CHAF1B: variants seen among roughly 807,000 people sequenced by gnomAD.
CHAF1B encodes the protein chromatin assembly factor 1 subunit B, also known as CAF-1 subunit B.
CHAF1B carries 10 observed loss-of-function variants against 60.7 expected under a neutral mutation model. The observed-to-expected ratio is 0.16, with a 90% CI of 0.10 to 0.28. The LOEUF (loss-of-function observed/expected upper bound fraction) is 0.28, where lower values mean the gene tolerates loss of function less well. Ranked by LOEUF, CHAF1B falls within the 10% of genes least tolerant of loss-of-function variation. The pLI, the probability that CHAF1B is intolerant of heterozygous loss-of-function variation, is 1.00. For synonymous variants in CHAF1B, 261 were observed against 266.1 expected, an observed-to-expected ratio of 0.98 and a Z score of 0.19; for missense variants, 558 against 708.4, an observed-to-expected ratio of 0.79 and a Z score of 2.41.
At chr21:36,399,727 A>G (rs1170285925) in intron 7 of CHAF1B, 122 bp downstream of exon 7, 4 of 761,176 alleles carry the variant, frequency 5.3e-6, no homozygotes, top group East Asian at 2.6e-5. Context: ...CAGAACTACA[A>G]TAAGGCTTCC....
rs1432354012 is a variant in CHAF1B, at chr21:36,417,622, A to C, written c.*1256A>C. ...TGGGATTACAGGTGTGAGCTACTGCACCTGGCCTAATTATTATATTTTTAG... is the reference window on the plus strand; with the variant it reads ...TGGGATTACAGGTGTGAGCTACTGCCCCTGGCCTAATTATTATATTTTTAG... On this transcript the variant is annotated 3_prime_UTR_variant, in exon 14 of 14. Coordinates refer to ENST00000314103, the MANE Select transcript of CHAF1B (RefSeq NM_005441.3). The C allele has an allele frequency of 6.6e-6, 1 of 151,764 alleles. No homozygotes were observed. The highest frequency in any genetic ancestry group is 1.5e-5 in the Non-Finnish European group (1 of 67,974). The allele number at this position is 151,764 out of a possible 1,614,324, so 9.4% of individuals were successfully genotyped here.
At chr21:36,411,314 A>G in intron 10 of CHAF1B, 149 bp from the exon 11 acceptor site, 16 of 872,608 alleles carry the variant, frequency 1.8e-5, no homozygotes, top group Non-Finnish European at 2.9e-5. Flanking sequence ...GGGTTTTGCC[A>G]TGTTGCTTAG....
intron 11 of CHAF1B, among the ~76,000 whole-genome samples, chr21:36,412,311 C>T (rs1360357713): frequency 6.6e-6 from 1 of 152,122 alleles, no homozygotes; most frequent in East Asian, 1.9e-4. Flanking sequence ...CAGCACTGTC[C>T]TTCTGCCACC....
chr21:36,412,349 C>T (rs1445201142), intron 11 of CHAF1B, among the ~76,000 whole-genome samples: 1 of 152,062 alleles, frequency 6.6e-6, no homozygotes, highest in Non-Finnish European at 1.5e-5. Flanking sequence ...GCCCCCGTGG[C>T]CTGCTTGGCC....
intron 4 of CHAF1B, among the ~76,000 whole-genome samples, chr21:36,393,446 CTTTTTTTT>C (rs748789062): frequency 1.1e-3 from 127 of 115,132 alleles, no homozygotes; most frequent in South Asian, 4.1e-3. Context: ...TACAGCTATC[CTTTTTTTT>C]TTTTTTTTTT....
intron 13 of CHAF1B, chr21:36,415,759 T>C (rs1025076620): frequency 1.9e-5 from 8 of 421,380 alleles, no homozygotes; most frequent in Admixed American, 9.1e-5. Context: ...TTTTTTTTTT[T>C]TTCTTTTTTT....
At chr21:36,415,426 G>A (rs1601571233) in intron 13 of CHAF1B, 37 bp downstream of exon 13, 1 of 1,296,104 alleles carries the variant, frequency 7.7e-7, no homozygotes, top group Non-Finnish European at 1.1e-6. Flanking sequence ...ATAATGAAAG[G>A]TAGAGTATCT....
chr21:36,399,726 A>G (rs749413531), intron 7 of CHAF1B, 121 bp downstream of exon 7: 2 of 763,634 alleles, frequency 2.6e-6, no homozygotes, highest in Non-Finnish European at 4.5e-6. Flanking sequence ...CCAGAACTAC[A>G]ATAAGGCTTC....
chr21:36,404,208 C>G (rs556801948), intron 8 of CHAF1B, among the ~76,000 whole-genome samples: 2 of 146,968 alleles, frequency 1.4e-5, no homozygotes, highest in South Asian at 4.3e-4. Context: ...TCAAGCGATT[C>G]TCCTGCCTCA....
In CHAF1B at chr21:36,391,686, A is replaced by G. The variant is rs2086090053; in HGVS notation, c.377+18A>G. 1 of 1,455,640 alleles carries G rather than the reference A, an allele frequency of 6.9e-7. No homozygotes were observed. The highest frequency in any genetic ancestry group is 2.3e-5 in the East Asian group (1 of 43,936). 90.2% of individuals were successfully genotyped at this position (1,455,640 alleles called of 1,614,324 possible). A position where few individuals can be genotyped will look rare whatever the true frequency, so the allele number is the denominator to read the frequency against. On this transcript the variant is annotated intron_variant, in intron 4 of 13. Coordinates refer to ENST00000314103, the MANE Select transcript of CHAF1B (RefSeq NM_005441.3). Reference sequence around the variant, plus strand: ...ACTCTGCGGTAACTTGGGAGGGACCATGGCAGTGATCTCTGTTTACGATGA... The same window carrying G: ...ACTCTGCGGTAACTTGGGAGGGACCGTGGCAGTGATCTCTGTTTACGATGA...
chr21:36,411,512 G>C lies in CHAF1B; in HGVS notation c.969G>C (p.Ser323=). 1 of 1,614,074 alleles carries C rather than the reference G, an allele frequency of 6.2e-7. No homozygotes were observed. Among genetic ancestry groups the C allele is most frequent in the Non-Finnish European group, 8.5e-7 (1 of 1,180,032 alleles). Residue 323 remains serine (S), a synonymous_variant, in exon 11 of 14, where the codon TCG becomes TCC. Transcript: ENST00000314103. ...LPYRLVFAVA[S]EDSVLLYDTQ... ...ACCGCCTGGTGTTTGCTGTGGCCTC[G>C]GAGGATTCCGTGCTTCTGTATGACA...
chr21:36,416,651 T>A lies in CHAF1B; in HGVS notation c.*285T>A, dbSNP rs1339986287. ...CAACGTTATCCAGTGTGAAAATCAGTGAGTCCTCCCTGGCATCCTCGTGAA... is the reference window on the plus strand; with the variant it reads ...CAACGTTATCCAGTGTGAAAATCAGAGAGTCCTCCCTGGCATCCTCGTGAA... On this transcript the variant is annotated 3_prime_UTR_variant, in exon 14 of 14. Coordinates refer to ENST00000314103, the MANE Select transcript of CHAF1B (RefSeq NM_005441.3). 1 of 277,128 alleles carries A rather than the reference T, an allele frequency of 3.6e-6. No individual in the cohort carries two copies. Among genetic ancestry groups the A allele is most frequent in the Non-Finnish European group, 6.8e-6 (1 of 147,262 alleles). The allele number at this position is 277,128 out of a possible 1,614,324, so 17.2% of individuals were successfully genotyped here.
rs561924822 is a variant in CHAF1B at position 36,390,265 on chromosome 21, G to A, written c.260-1286G>A. 2.8e-4 allele frequency among the ~76,000 whole-genome samples: 41 copies of A among 148,190 alleles called. No homozygotes were observed. In the South Asian group the frequency reaches 5.2e-3, roughly 19 times the overall value. On this transcript the variant is annotated intron_variant, in intron 3 of 13. Transcript: ENST00000314103. ...GGAGAATCGCCTGAACCCGGGAGGC[G>A]AAGGTTGTGGTGAGCCAAGATTGCA...
chr21:36,411,522 G>A lies in CHAF1B; in HGVS notation c.979G>A (p.Val327Met), dbSNP rs150591609. The change falls in exon 11 of 14, where the codon GTG (valine) becomes ATG (methionine). Residue 327 changes from valine (V) to methionine (M), a missense_variant. By Grantham distance (21) the Val-to-Met change is conservative (BLOSUM62 1). Transcript: ENST00000314103. ...GTTTGCTGTGGCCTCGGAGGATTCC[G>A]TGCTTCTGTATGACACCCAGCAGTC... Reference protein sequence around the residue: ...LVFAVASEDSVLLYDTQQSFP... With the variant: ...LVFAVASEDSMLLYDTQQSFP... 65 of 1,613,910 alleles carry A rather than the reference G, an allele frequency of 4.0e-5. No individual in the cohort carries two copies. Among genetic ancestry groups the A allele is most frequent in the African/African-American group, 1.1e-4 (8 of 74,890 alleles).
chr21:36,389,759 A>ATATG (rs1491586590), intron 3 of CHAF1B, among the ~76,000 whole-genome samples: 90 of 125,886 alleles, frequency 7.1e-4, no homozygotes, highest in African/African-American at 2.5e-3. Flanking sequence ...GCATGAAGGG[A>ATATG]TGTGTGTGTG....
chr21:36,409,506 G>A (rs1445379721), intron 10 of CHAF1B, 41 bp downstream of exon 10: 32 of 1,469,852 alleles, frequency 2.2e-5, no homozygotes, highest in Non-Finnish European at 2.9e-5. Context: ...TTTTCTCTCC[G>A]AAACAGGTCA....
intron 7 of CHAF1B, 65 bp downstream of exon 7, chr21:36,399,670 C>G: frequency 7.8e-7 from 1 of 1,276,692 alleles, no homozygotes; most frequent in Non-Finnish European, 1.1e-6. Flanking sequence ...GTCATGAGCT[C>G]CTCCCATACC....
At chr21:36,393,990 G>C (rs55655429) in intron 4 of CHAF1B, among the ~76,000 whole-genome samples, 54,512 of 151,398 alleles carry the variant, frequency 0.36, 12,293 homozygotes, top group African/African-American at 0.64. Flanking sequence ...ATCTCTGCCT[G>C]CTGGGTTCAG....
chr21:36,394,491 T>C, intron 4 of CHAF1B, 56 bp from the exon 5 acceptor site: 2 of 1,246,434 alleles, frequency 1.6e-6, no homozygotes, highest in Non-Finnish European at 2.3e-6. Flanking sequence ...ATTACAGGGG[T>C]AAGCTGCTAT....
Sources: allele counts gnomAD v4.1 joint callset (sites outside exome capture counted in the v4.1 genomes callset), GRCh38; gene constraint gnomAD v4.1.1; transcripts MANE v1.5; gene names NCBI Gene and HGNC (gene_info 2026-07-23, HGNC 2026-07-21).